BCAS3: variants seen among roughly 807,000 people sequenced by gnomAD.
The protein encoded by BCAS3 is BCAS4/BCAS3 fusion.
A neutral mutation model predicts 116.1 loss-of-function variants in BCAS3; 53 were observed. That is an observed-to-expected ratio of 0.46 (90% CI 0.37 to 0.57). BCAS3 has a LOEUF of 0.57. Among genes scored for constraint, BCAS3 ranks in the 20% least tolerant of loss-of-function variants. The pLI is 0.00. For missense variants in BCAS3, 917 were observed against 1,165.4 expected, an observed-to-expected ratio of 0.79 and a Z score of 3.10; for synonymous variants, 391 against 408.2, an observed-to-expected ratio of 0.96 and a Z score of 0.51.
chr17:61,363,133 A>G lies in BCAS3; in HGVS notation c.2426-5194A>G, dbSNP rs929895265. Among the ~76,000 whole-genome samples, 3 of 152,204 alleles carry G rather than the reference A, an allele frequency of 2.0e-5. No homozygotes were observed. The highest frequency in any genetic ancestry group is 4.8e-5 in the African/African-American group (2 of 41,454). ...GTGAACAGTGTAAGGCAGTACGGAA[A>G]TAAGGCCACAGGAATGATCTAATTA... is the stretch of plus-strand genomic sequence containing the variant. On this transcript the variant is annotated intron_variant, in intron 22 of 23. Transcript: ENST00000407086. This position sits in a 1 kb window ranked among gnomAD's most constrained non-coding sequence, Gnocchi z 4.9.
rs1180594277 is a variant in BCAS3 at position 61,028,282 on chromosome 17, A to T, written c.1638-6384A>T. On this transcript the variant is annotated intron_variant, in intron 16 of 23. Coordinates refer to ENST00000407086, the MANE Select transcript of BCAS3 (RefSeq NM_017679.5). The surrounding 1 kb of genome is among the most constrained non-coding windows in gnomAD (Gnocchi z 4.3). ...TCAACATAAAATTTTCCTCCTTGAA[A>T]ATTATAATTAGACACAGTTTGCAAA... is the stretch of plus-strand genomic sequence containing the variant. Among the ~76,000 whole-genome samples, 2 of 151,894 alleles carry T rather than the reference A, an allele frequency of 1.3e-5. No homozygotes were observed. Among genetic ancestry groups the T allele is most frequent in the African/African-American group, 4.8e-5 (2 of 41,418 alleles).
chr17:61,352,941 C>T lies in BCAS3; in HGVS notation c.2426-15386C>T, dbSNP rs529320967. ...GCTTTAATGGAGTGTTAACCCCCGT[C>T]GCTGGAACTCATGTTAATGCCTAAC... On this transcript the variant is annotated intron_variant, in intron 22 of 23. Transcript: ENST00000407086. This position sits in a 1 kb window ranked among gnomAD's most constrained non-coding sequence, Gnocchi z 4.7. 2.6e-5 allele frequency among the ~76,000 whole-genome samples: 4 copies of T among 152,296 alleles called. No homozygotes were observed. In the South Asian group the frequency reaches 8.3e-4, roughly 32 times the overall value.
intron 22 of BCAS3, among the ~76,000 whole-genome samples, chr17:61,178,648 A>G (rs1048049297): frequency 6.6e-6 from 1 of 152,214 alleles, no homozygotes; most frequent in Non-Finnish European, 1.5e-5. Flanking sequence ...TTACAATACA[A>G]ATGTATAATA....
chr17:61,346,148 G>C lies in BCAS3; in HGVS notation c.2426-22179G>C, dbSNP rs887385276. Among the ~76,000 whole-genome samples the C allele has an allele frequency of 2.0e-5, 3 of 152,196 alleles. No individual in the cohort carries two copies. The highest frequency in any genetic ancestry group is 4.4e-5 in the Non-Finnish European group (3 of 68,030). On this transcript the variant is annotated intron_variant, in intron 22 of 23. Coordinates refer to ENST00000407086, the MANE Select transcript of BCAS3 (RefSeq NM_017679.5). This position sits in a 1 kb window ranked among gnomAD's most constrained non-coding sequence, Gnocchi z 5.4. ...TTGTTGAAGTCGAGGAGTTGACTTA[G>C]AAGGCCTGCAGAGTCCAGTGACAAG...
intron 16 of BCAS3, among the ~76,000 whole-genome samples, chr17:61,027,761 T>C (rs8079211): frequency 0.15 from 23,408 of 151,804 alleles, 5,728 homozygotes; most frequent in African/African-American, 0.52. Flanking sequence ...AATGTACCTA[T>C]GTAATGGACT....
chr17:60,751,548 T>C (rs1002528375), intron 6 of BCAS3, among the ~76,000 whole-genome samples: 22 of 23,036 alleles, frequency 9.6e-4, no homozygotes, highest in South Asian at 0.11. Flanking sequence ...TTTTCTTTTT[T>C]TTTTTTTTTT....
chr17:60,948,139 C>T (rs1024235050), intron 14 of BCAS3, among the ~76,000 whole-genome samples: 1 of 151,938 alleles, frequency 6.6e-6, no homozygotes, highest in African/African-American at 2.4e-5. Context: ...GAGTCTCGCT[C>T]TGTTGCCCAG....
At chr17:60,857,866 C>CA (rs1359465196) in intron 7 of BCAS3, among the ~76,000 whole-genome samples, 1 of 152,110 alleles carries the variant, frequency 6.6e-6, no homozygotes, top group Non-Finnish European at 1.5e-5. Flanking sequence ...ATGGTTCTGA[C>CA]AAATTTTGTT....
chr17:61,075,327 A>G (rs1444080450), intron 20 of BCAS3, among the ~76,000 whole-genome samples: 2 of 151,936 alleles, frequency 1.3e-5, no homozygotes, highest in African/African-American at 4.8e-5. Flanking sequence ...TAATTTATTA[A>G]TTTTTGAGAC....
chr17:61,341,972 G>A (rs1045510825), intron 22 of BCAS3, among the ~76,000 whole-genome samples: 1 of 152,234 alleles, frequency 6.6e-6, no homozygotes, highest in Admixed American at 6.5e-5. Context: ...TGGACAGGCA[G>A]TGGGGGCAAT....
intron 22 of BCAS3, among the ~76,000 whole-genome samples, chr17:61,290,050 T>C (rs2052234989): frequency 6.6e-6 from 1 of 152,176 alleles, no homozygotes; most frequent in African/African-American, 2.4e-5. Flanking sequence ...TTACTTGGGT[T>C]CGTGTGTGTA....
At position 61,229,169 on chromosome 17, in the gene BCAS3, G is replaced by C. The variant is rs558905515; in HGVS notation, c.2426-139158G>C. ...GCTGGGATTACTGATGTGAGCCACC[G>C]CACCTGGCCACCACCACATTCCTTT... On this transcript the variant is annotated intron_variant, in intron 22 of 23. Transcript: ENST00000407086. This position sits in a 1 kb window ranked among gnomAD's most constrained non-coding sequence, Gnocchi z 4.4. Among the ~76,000 whole-genome samples the C allele has an allele frequency of 1.3e-5, 2 of 152,156 alleles. No individual in the cohort carries two copies. The highest frequency in any genetic ancestry group is 2.9e-5 in the Non-Finnish European group (2 of 68,024).
chr17:60,902,116 T>C (rs2145061957), intron 10 of BCAS3, among the ~76,000 whole-genome samples: 1 of 152,356 alleles, frequency 6.6e-6, no homozygotes, highest in East Asian at 1.9e-4. Flanking sequence ...TTGTCATAGT[T>C]GATTTATGCG....
At chr17:61,262,636 C>T (rs1214067915) in intron 22 of BCAS3, among the ~76,000 whole-genome samples, 1 of 152,020 alleles carries the variant, frequency 6.6e-6, no homozygotes, top group African/African-American at 2.4e-5. Context: ...CCGCCTCGGC[C>T]TCCCAAAGTG....
At chr17:60,740,815 A>G (rs2041476546) in intron 5 of BCAS3, among the ~76,000 whole-genome samples, 1 of 152,158 alleles carries the variant, frequency 6.6e-6, no homozygotes, top group Non-Finnish European at 1.5e-5. Flanking sequence ...TGTCGAGGCC[A>G]GGCTTTGTTA....
intron 5 of BCAS3, among the ~76,000 whole-genome samples, chr17:60,740,544 G>A (rs1364024788): frequency 2.0e-5 from 3 of 151,358 alleles, no homozygotes; most frequent in African/African-American, 4.9e-5. Flanking sequence ...AGGATATGAT[G>A]TATTGGGTAA....
chr17:61,310,622 A>T (rs766794544), intron 22 of BCAS3, among the ~76,000 whole-genome samples: 7 of 152,132 alleles, frequency 4.6e-5, no homozygotes, highest in Non-Finnish European at 1.0e-4. Flanking sequence ...CATGCGAATC[A>T]TCGCCCAGAA....
chr17:60,757,357 AATAAAT>A (rs2043100716), intron 6 of BCAS3, among the ~76,000 whole-genome samples: 1 of 147,226 alleles, frequency 6.8e-6, no homozygotes, highest in Non-Finnish European at 1.5e-5. Context: ...TAAATAAATA[AATAAAT>A]GAGTTTCTCT....
intron 12 of BCAS3, among the ~76,000 whole-genome samples, chr17:60,918,103 G>A (rs1463238822): frequency 2.0e-5 from 3 of 152,114 alleles, no homozygotes; most frequent in Non-Finnish European, 2.9e-5. Context: ...TCCAATGATG[G>A]ATAAGGGTCT....
Sources: allele counts gnomAD v4.1 joint callset (sites outside exome capture counted in the v4.1 genomes callset), GRCh38; gene constraint gnomAD v4.1.1; non-coding constraint Gnocchi (gnomAD v3.1); transcripts MANE v1.5; gene names NCBI Gene and HGNC (gene_info 2026-07-23, HGNC 2026-07-21).